Variants in VPS13B observed in about 807,000 individuals in gnomAD.
VPS13B encodes intermembrane lipid transfer protein VPS13B.
Under a neutral mutation model 426.4 loss-of-function variants are expected in VPS13B, and 285 were observed. The observed-to-expected ratio is 0.67, with a 90% CI of 0.61 to 0.74. The LOEUF is 0.74. Ranked by LOEUF, VPS13B falls within the 30% of genes least tolerant of loss-of-function variation. VPS13B has a pLI of 0.00. For synonymous variants in VPS13B, 1,676 were observed against 1,676.4 expected, an observed-to-expected ratio of 1.00 and a Z score of 0.01; for missense variants, 4,537 against 4,782.6, an observed-to-expected ratio of 0.95 and a Z score of 1.51.
chr8:99,117,957 C>T (rs547093538), intron 7 of VPS13B, among the ~76,000 whole-genome samples: 4 of 152,088 alleles, frequency 2.6e-5, no homozygotes, highest in Admixed American at 2.6e-4. Context: ...TTAAAAAAAT[C>T]TTACTACCTT....
chr8:99,156,383 AG>A (rs1196380757), intron 14 of VPS13B, among the ~76,000 whole-genome samples, 165 bp from the exon 15 acceptor site: 1 of 152,230 alleles, frequency 6.6e-6, no homozygotes, highest in East Asian at 1.9e-4. Flanking sequence ...ATACATGGAA[AG>A]ACATTTGTTA....
At chr8:99,434,706 A>C (rs1309750006) in intron 22 of VPS13B, among the ~76,000 whole-genome samples, 1 of 152,200 alleles carries the variant, frequency 6.6e-6, no homozygotes, top group Non-Finnish European at 1.5e-5. Context: ...CATGCCTCTT[A>C]TAAGAAAATT....
chr8:99,191,918 C>A (rs368222019), intron 16 of VPS13B, among the ~76,000 whole-genome samples: 15 of 152,218 alleles, frequency 9.9e-5, no homozygotes, highest in African/African-American at 3.6e-4. Flanking sequence ...GGGTGATATA[C>A]AAGAGAAGTT....
At chr8:99,210,300 C>T (rs1271467467) in intron 17 of VPS13B, among the ~76,000 whole-genome samples, 1 of 152,316 alleles carries the variant, frequency 6.6e-6, no homozygotes, top group East Asian at 1.9e-4. Flanking sequence ...CACCTCATTT[C>T]TAATCCTTGT....
intron 54 of VPS13B, 128 bp from the exon 55 acceptor site, chr8:99,848,648 T>G: frequency 2.2e-6 from 2 of 894,140 alleles, no homozygotes; most frequent in Non-Finnish European, 3.7e-6. Flanking sequence ...CCCGTACACA[T>G]GGATATAAAG....
At chr8:99,260,322 A>G (rs528405408) in intron 17 of VPS13B, among the ~76,000 whole-genome samples, 1 of 152,086 alleles carries the variant, frequency 6.6e-6, no homozygotes, top group Non-Finnish European at 1.5e-5. Flanking sequence ...GACAAAATAG[A>G]TGTGAGATGT....
At chr8:99,403,368 G>C (rs565836344) in intron 21 of VPS13B, among the ~76,000 whole-genome samples, 2 of 152,168 alleles carry the variant, frequency 1.3e-5, no homozygotes, top group East Asian at 3.9e-4. Context: ...GGCCAACATG[G>C]TGAAACCCCG....
At chr8:99,864,297 C>T (rs554614025) in intron 58 of VPS13B, among the ~76,000 whole-genome samples, 1 of 152,310 alleles carries the variant, frequency 6.6e-6, no homozygotes, top group African/African-American at 2.4e-5. Context: ...ACTTGTAATC[C>T]TAGCACTTTG....
At chr8:99,083,096 A>G (rs1467953438) in intron 3 of VPS13B, among the ~76,000 whole-genome samples, 6 of 152,212 alleles carry the variant, frequency 3.9e-5, no homozygotes, top group Non-Finnish European at 8.8e-5. Flanking sequence ...ACCCATGAGC[A>G]TGGAATGTTC....
chr8:99,789,789 A>G (rs1588712884), intron 43 of VPS13B, among the ~76,000 whole-genome samples: 1 of 152,148 alleles, frequency 6.6e-6, no homozygotes, highest in Non-Finnish European at 1.5e-5. Flanking sequence ...TATAAGTCAG[A>G]AAAGCAGAAT....
chr8:99,238,470 G>A (rs775931275), intron 17 of VPS13B, among the ~76,000 whole-genome samples: 1 of 152,196 alleles, frequency 6.6e-6, no homozygotes, highest in African/African-American at 2.4e-5. Flanking sequence ...GAGCTCAGCT[G>A]TGTAGGATAA....
intron 19 of VPS13B, among the ~76,000 whole-genome samples, chr8:99,287,358 A>G (rs567088799): frequency 6.6e-6 from 1 of 151,886 alleles, no homozygotes; most frequent in South Asian, 2.1e-4. Flanking sequence ...GATCTATGAT[A>G]GATGGATATA....
intron 17 of VPS13B, among the ~76,000 whole-genome samples, chr8:99,247,783 T>G (rs925993889): frequency 2.6e-5 from 4 of 152,222 alleles, no homozygotes; most frequent in African/African-American, 9.7e-5. Flanking sequence ...ATCTTAAATT[T>G]TTTTTTCATT....
At chr8:99,327,657 G>A (rs1157957720) in intron 19 of VPS13B, among the ~76,000 whole-genome samples, 1 of 152,100 alleles carries the variant, frequency 6.6e-6, no homozygotes, top group African/African-American at 2.4e-5. Flanking sequence ...TCTGAATCTG[G>A]TGGCATGGAA....
intron 19 of VPS13B, among the ~76,000 whole-genome samples, chr8:99,331,967 T>C (rs1032597193): frequency 1.3e-5 from 2 of 151,768 alleles, no homozygotes; most frequent in Admixed American, 1.3e-4. Flanking sequence ...CTGTTTTGTT[T>C]AAGGAATTTT....
chr8:99,551,256 A>C (rs201049881), intron 30 of VPS13B, among the ~76,000 whole-genome samples: 1 of 146,770 alleles, frequency 6.8e-6, no homozygotes. Context: ...GGCAGTAACT[A>C]TTTTTAAATA....
At chr8:99,196,467 G>GTT (rs527809837) in intron 17 of VPS13B, among the ~76,000 whole-genome samples, 39 of 127,194 alleles carry the variant, frequency 3.1e-4, no homozygotes, top group South Asian at 5.1e-4. Context: ...GTCTTTAGGG[G>GTT]TTTTTTTTTT....
intron 30 of VPS13B, among the ~76,000 whole-genome samples, chr8:99,539,682 G>A (rs998492430): frequency 1.3e-5 from 2 of 152,158 alleles, no homozygotes; most frequent in South Asian, 4.1e-4. Flanking sequence ...AGATTGCAAT[G>A]AGCTATGATC....
At chr8:99,350,595 A>G (rs1331158852) in intron 19 of VPS13B, among the ~76,000 whole-genome samples, 1 of 152,238 alleles carries the variant, frequency 6.6e-6, no homozygotes, top group Non-Finnish European at 1.5e-5. Flanking sequence ...GAAGTATTAA[A>G]GTTAACATGG....
Sources: allele counts gnomAD v4.1 joint callset (sites outside exome capture counted in the v4.1 genomes callset), GRCh38; gene constraint gnomAD v4.1.1; transcripts MANE v1.5; gene names NCBI Gene and HGNC (gene_info 2026-07-23, HGNC 2026-07-21).